Variants in LHFPL3 observed in about 807,000 individuals in gnomAD.
The protein encoded by LHFPL3 is LHFPL tetraspan subfamily member 3, also known as LHFPL tetraspan subfamily member 3 protein.
A neutral mutation model predicts 19.3 loss-of-function variants in LHFPL3; 5 were observed. The observed-to-expected ratio is 0.26, with a 90% CI of 0.14 to 0.54. The LOEUF is 0.54. Ranked by LOEUF, LHFPL3 falls within the 20% of genes least tolerant of loss-of-function variation. LHFPL3 has a pLI of 0.94. For synonymous variants in LHFPL3, 133 were observed against 126.2 expected, an observed-to-expected ratio of 1.05 and a Z score of -0.36; for missense variants, 249 against 307.4, an observed-to-expected ratio of 0.81 and a Z score of 1.42.
At chr7:104,487,993 G>T (rs1270048054) in intron 1 of LHFPL3, among the ~76,000 whole-genome samples, 1 of 152,164 alleles carries the variant, frequency 6.6e-6, no homozygotes, top group Non-Finnish European at 1.5e-5. Flanking sequence ...TCCATGAATG[G>T]TCATGAAGTC....
chr7:104,523,009 T>TATATGCACATATATACATATACAAAC (rs1794104078), intron 1 of LHFPL3, among the ~76,000 whole-genome samples: 4 of 148,128 alleles, frequency 2.7e-5, no homozygotes, highest in African/African-American at 9.8e-5. Flanking sequence ...CATATATGTA[T>TATATGCACATATATACATATACAAAC]ATATGCACAT....
intron 1 of LHFPL3, among the ~76,000 whole-genome samples, chr7:104,458,152 G>A (rs2116614593): frequency 6.6e-6 from 1 of 151,710 alleles, no homozygotes; most frequent in South Asian, 2.1e-4. Context: ...GTCTTTTGTT[G>A]CCATTGCTTT....
Position 104,437,645 on chromosome 7 carries a change from A to G in LHFPL3, c.445+108421A>G, listed in dbSNP as rs535054051. On this transcript the variant is annotated intron_variant, in intron 1 of 2. Coordinates refer to ENST00000424859, the MANE Select transcript of LHFPL3 (RefSeq NM_199000.3). The stretch of plus-strand genomic sequence containing the variant: ...GTTTGATCATTTGCTAGAGTGGCTC[A>G]CAGAGCTCAGGAAACTGTTTTTGCT... 5.3e-5 allele frequency among the ~76,000 whole-genome samples: 8 copies of G among 152,314 alleles called. No homozygotes were observed. In the South Asian group the frequency reaches 1.5e-3, roughly 28 times the overall value.
chr7:104,417,672 C>T (rs1017139895), intron 1 of LHFPL3, among the ~76,000 whole-genome samples: 2 of 151,966 alleles, frequency 1.3e-5, no homozygotes, highest in African/African-American at 4.8e-5. Context: ...GAAAACAATC[C>T]TTGTGGGTTT....
chr7:104,353,435 A>G (rs975416590), intron 1 of LHFPL3, among the ~76,000 whole-genome samples: 2 of 152,148 alleles, frequency 1.3e-5, no homozygotes, highest in African/African-American at 2.4e-5. Context: ...TTTTATATTT[A>G]TATTTCCTCA....
At chr7:104,403,599 C>T (rs1791357214) in intron 1 of LHFPL3, among the ~76,000 whole-genome samples, 1 of 152,272 alleles carries the variant, frequency 6.6e-6, no homozygotes, top group Middle Eastern at 3.4e-3. Context: ...TCTCTTTATA[C>T]TGTTTAAAAA....
chr7:104,788,334 A>G (rs1789961910), intron 2 of LHFPL3, among the ~76,000 whole-genome samples: 2 of 152,194 alleles, frequency 1.3e-5, no homozygotes, highest in Admixed American at 1.3e-4. Flanking sequence ...AAGGCATCAG[A>G]GATGCTCCCT....
At chr7:104,779,072 T>A (rs1794678577) in intron 2 of LHFPL3, among the ~76,000 whole-genome samples, 1 of 152,222 alleles carries the variant, frequency 6.6e-6, no homozygotes. Context: ...CACAGGTGGC[T>A]TCATGATGCA....
chr7:104,699,673 C>G (rs975162844), intron 1 of LHFPL3, among the ~76,000 whole-genome samples: 15 of 152,144 alleles, frequency 9.9e-5, no homozygotes, highest in African/African-American at 3.6e-4. Context: ...GAACTGTATA[C>G]TTAATGATTA....
rs74273539 is a variant in LHFPL3, at chr7:104,818,387, T to TA, written c.682+81493dup. ...CAACTGGCTTGGGCACTTCTCTCAT[T>TA]AAAAAAAAAAAAAAAAACAGGCACG... On this transcript the variant is annotated intron_variant, in intron 2 of 2. Transcript: ENST00000424859. 8.4e-3 allele frequency among the ~76,000 whole-genome samples: 1,105 copies of TA among 131,360 alleles called. 4 individuals carry two copies. Among genetic ancestry groups the TA allele is most frequent in the African/African-American group, 0.018 (625 of 35,566 alleles). 86.2% of individuals were successfully genotyped at this position (131,360 alleles called of 152,430 possible). A position where few individuals can be genotyped will look rare whatever the true frequency, so the allele number is the denominator to read the frequency against.
At chr7:104,824,609 AT>A (rs1219504769) in intron 2 of LHFPL3, among the ~76,000 whole-genome samples, 1 of 67,978 alleles carries the variant, frequency 1.5e-5, no homozygotes, top group Non-Finnish European at 2.6e-5. Context: ...ATTATATATA[AT>A]TATATATATT....
chr7:104,577,815 C>T (rs1202325368), intron 1 of LHFPL3, among the ~76,000 whole-genome samples: 1 of 152,158 alleles, frequency 6.6e-6, no homozygotes, highest in Non-Finnish European at 1.5e-5. Context: ...AAAACCGTCC[C>T]AGTGCCCATT....
chr7:104,675,058 C>A (rs896143329), intron 1 of LHFPL3, among the ~76,000 whole-genome samples: 7 of 152,150 alleles, frequency 4.6e-5, no homozygotes, highest in Non-Finnish European at 1.0e-4. Context: ...TAAGCAAATT[C>A]TTAAAGTAAG....
intron 1 of LHFPL3, among the ~76,000 whole-genome samples, chr7:104,679,995 C>G (rs1792664978): frequency 6.6e-6 from 1 of 152,202 alleles, no homozygotes; most frequent in South Asian, 2.1e-4. Flanking sequence ...TTTTATCTCT[C>G]ACTGAGGCCT....
intron 1 of LHFPL3, among the ~76,000 whole-genome samples, chr7:104,646,992 C>A (rs942918128): frequency 6.6e-6 from 1 of 152,284 alleles, no homozygotes; most frequent in South Asian, 2.1e-4. Flanking sequence ...TATAAACAGA[C>A]GTTTATCCCA....
chr7:104,618,955 C>CT (rs1241493273), intron 1 of LHFPL3, among the ~76,000 whole-genome samples: 1 of 152,172 alleles, frequency 6.6e-6, no homozygotes, highest in African/African-American at 2.4e-5. Flanking sequence ...GAAGAGGCCC[C>CT]TTAGTAGCTT....
chr7:104,411,209 G>A (rs575419280), intron 1 of LHFPL3, among the ~76,000 whole-genome samples: 1 of 152,134 alleles, frequency 6.6e-6, no homozygotes, highest in Non-Finnish European at 1.5e-5. Flanking sequence ...TAAGACTTAT[G>A]AGTTCTGTTC....
In LHFPL3 at chr7:104,646,151, T is replaced by C. The variant is rs1262834667; in HGVS notation, c.446-90524T>C. Among the ~76,000 whole-genome samples the C allele has an allele frequency of 4.6e-5, 7 of 152,228 alleles. No homozygotes were observed. In the East Asian group the frequency reaches 1.4e-3, roughly 29 times the overall value. On this transcript the variant is annotated intron_variant, in intron 1 of 2. Coordinates refer to ENST00000424859, the MANE Select transcript of LHFPL3 (RefSeq NM_199000.3). ...CCTCTGTGAGCCTCATTTCCCAGATTACATAAAAAAGAGGTAATAACACTG... is the reference window on the plus strand; with the variant it reads ...CCTCTGTGAGCCTCATTTCCCAGATCACATAAAAAAGAGGTAATAACACTG...
intron 2 of LHFPL3, among the ~76,000 whole-genome samples, chr7:104,840,672 T>A (rs1314425324): frequency 6.6e-6 from 1 of 151,614 alleles, no homozygotes; most frequent in Non-Finnish European, 1.5e-5. Flanking sequence ...ACACCAAATA[T>A]CCAGAAGGTG....
Sources: allele counts gnomAD v4.1 joint callset (sites outside exome capture counted in the v4.1 genomes callset), GRCh38; gene constraint gnomAD v4.1.1; transcripts MANE v1.5; gene names NCBI Gene and HGNC (gene_info 2026-07-23, HGNC 2026-07-21).